Variants in DOCK1 observed in about 807,000 individuals in gnomAD.
The protein encoded by DOCK1 is dedicator of cytokinesis 1.
Under a neutral mutation model 262.7 loss-of-function variants are expected in DOCK1, and 138 were observed. The ratio of observed to expected loss-of-function variants is 0.53; its 90% CI spans 0.46 to 0.61. DOCK1 has a LOEUF of 0.61. Ranked by LOEUF, DOCK1 falls within the 20% of genes least tolerant of loss-of-function variation. The pLI is 0.00. For synonymous variants in DOCK1, 866 were observed against 867.4 expected, an observed-to-expected ratio of 1.00 and a Z score of 0.03; for missense variants, 1,908 against 2,370.7, an observed-to-expected ratio of 0.80 and a Z score of 4.05.
chr10:127,277,461 T>G (rs1319081842), intron 29 of DOCK1, among the ~76,000 whole-genome samples: 1 of 152,104 alleles, frequency 6.6e-6, no homozygotes, highest in African/African-American at 2.4e-5. Flanking sequence ...TTTCATACCT[T>G]TAAAGTTGAA....
intron 27 of DOCK1, among the ~76,000 whole-genome samples, chr10:127,195,518 A>T (rs1026303350): frequency 1.3e-5 from 2 of 148,888 alleles, no homozygotes; most frequent in Non-Finnish European, 3.0e-5. Flanking sequence ...CTCTGTTCCA[A>T]CTCATCCCCC....
At chr10:127,331,966 G>A (rs1590505176) in intron 29 of DOCK1, among the ~76,000 whole-genome samples, 1 of 152,236 alleles carries the variant, frequency 6.6e-6, no homozygotes, top group East Asian at 1.9e-4. Context: ...ATGCCTAGCA[G>A]CAAAGCAGCA....
chr10:127,001,639 A>T (rs1182935026), intron 10 of DOCK1: 1 of 152,324 alleles, frequency 6.6e-6, no homozygotes, highest in Admixed American at 6.5e-5. Context: ...ATTTCAAATC[A>T]TTTAAATAAA....
intron 29 of DOCK1, among the ~76,000 whole-genome samples, chr10:127,262,875 G>A (rs2060224316): frequency 6.6e-6 from 1 of 152,078 alleles, no homozygotes; most frequent in Non-Finnish European, 1.5e-5. Flanking sequence ...GCTGTGTTTA[G>A]GCCCACTTTA....
At chr10:127,439,384 C>T (rs577784070) in intron 49 of DOCK1, 159 bp downstream of exon 49, 239 of 728,138 alleles carry the variant, frequency 3.3e-4, no homozygotes, top group Middle Eastern at 1.4e-3. Flanking sequence ...TCAAATGTCC[C>T]AAGGCAGTAG....
At chr10:127,086,079 A>G (rs1369036149) in intron 23 of DOCK1, among the ~76,000 whole-genome samples, 1 of 152,142 alleles carries the variant, frequency 6.6e-6, no homozygotes, top group African/African-American at 2.4e-5. Flanking sequence ...TTAGAGCCTC[A>G]TCTCTTCAGG....
intron 30 of DOCK1, among the ~76,000 whole-genome samples, chr10:127,339,709 G>GTT (rs2063346965): frequency 3.4e-5 from 1 of 29,640 alleles, no homozygotes; most frequent in African/African-American, 2.1e-4. Context: ...GTGTGTGTGT[G>GTT]TGTGTGTGTG....
intron 2 of DOCK1, among the ~76,000 whole-genome samples, chr10:126,975,353 G>A (rs781029563): frequency 1.4e-4 from 22 of 152,226 alleles, no homozygotes; most frequent in African/African-American, 2.4e-4. Flanking sequence ...TTTGGGCTGC[G>A]TTCCCAGGAG....
intron 27 of DOCK1, among the ~76,000 whole-genome samples, chr10:127,142,168 C>T (rs750495775): frequency 2.6e-5 from 4 of 152,208 alleles, no homozygotes; most frequent in Non-Finnish European, 5.9e-5. Context: ...AGCACCATCA[C>T]GGTCCCAGGC....
At chr10:126,984,706 T>C (rs1167067117) in intron 4 of DOCK1, among the ~76,000 whole-genome samples, 1 of 152,196 alleles carries the variant, frequency 6.6e-6, no homozygotes, top group Non-Finnish European at 1.5e-5. Context: ...AAAAATTGTA[T>C]GTATTTATGG....
intron 1 of DOCK1, among the ~76,000 whole-genome samples, chr10:126,960,796 AC>A: frequency 7.8e-6 from 1 of 128,956 alleles, no homozygotes; most frequent in Non-Finnish European, 1.7e-5. Context: ...GTATATACAC[AC>A]ACACACACAC....
At chr10:126,935,798 C>T (rs958646670) in intron 1 of DOCK1, among the ~76,000 whole-genome samples, 1 of 152,248 alleles carries the variant, frequency 6.6e-6, no homozygotes, top group Non-Finnish European at 1.5e-5. Context: ...CCATCTAACT[C>T]CATGAGGATA....
At chr10:127,137,054 T>C (rs1011036403) in intron 27 of DOCK1, 2 of 152,640 alleles carry the variant, frequency 1.3e-5, no homozygotes, top group African/African-American at 4.8e-5. Flanking sequence ...AGATTAAAAA[T>C]GAGATCTAAG....
Position 127,439,094 on chromosome 10 carries a change from G to T in DOCK1, c.5128G>T (p.Asp1710Tyr). ...GTCCCAGGACAAGCTGGACAAGGAT[G>T]ACCTGGAGAAGGAGAAGAAGGACAA... Reference protein sequence around the residue: ...SRSQDKLDKDDLEKEKKDKKK... With the variant: ...SRSQDKLDKDYLEKEKKDKKK... Residue 1710 changes from aspartate (D) to tyrosine (Y), a missense_variant, in exon 49 of 52, where the codon GAC becomes TAC. Around this residue, in one of 9 missense-constraint regions of DOCK1, gnomAD observed 383 missense variants for 420.1 expected, o/e 0.91. Transcript: ENST00000623213. 1 of 1,568,576 alleles carries T rather than the reference G, an allele frequency of 6.4e-7. No homozygotes were observed. The highest frequency in any genetic ancestry group is 8.6e-7 in the Non-Finnish European group (1 of 1,156,312).
In DOCK1 at chr10:127,413,929, TG is replaced by T. The variant is rs1158053431; in HGVS notation, c.4429-1222del. 2.6e-5 allele frequency among the ~76,000 whole-genome samples: 4 copies of T among 152,078 alleles called. No individual in the cohort carries two copies. The East Asian group carries it at 7.7e-4, about 29-fold the overall frequency. On this transcript the variant is annotated intron_variant, in intron 43 of 51. Coordinates refer to ENST00000623213, the MANE Select transcript of DOCK1 (RefSeq NM_001290223.2). The stretch of plus-strand genomic sequence containing the variant: ...CAGTTTTCTGAAAATTTTTTTTTTT[TG>T]AGAGAGAGTCTTGCTCTGTTGCCTA...
chr10:127,298,644 A>G (rs1420997770), intron 29 of DOCK1, among the ~76,000 whole-genome samples: 1 of 152,266 alleles, frequency 6.6e-6, no homozygotes. Flanking sequence ...TGATGAGCTC[A>G]GAGCTGGGCT....
intron 4 of DOCK1, among the ~76,000 whole-genome samples, chr10:126,983,704 GC>G: frequency 6.6e-6 from 1 of 152,148 alleles, no homozygotes; most frequent in Non-Finnish European, 1.5e-5. Flanking sequence ...ACAGTATCTT[GC>G]TTGCATTGAC....
intron 1 of DOCK1, among the ~76,000 whole-genome samples, chr10:126,949,602 C>G (rs1354808087): frequency 6.6e-6 from 1 of 152,174 alleles, no homozygotes; most frequent in South Asian, 2.1e-4. Flanking sequence ...ATGAGAGCAT[C>G]GGGTGTTGAA....
At chr10:126,969,556 A>G (rs1420744751) in intron 1 of DOCK1, among the ~76,000 whole-genome samples, 2 of 152,188 alleles carry the variant, frequency 1.3e-5, no homozygotes, top group Admixed American at 6.5e-5. Context: ...ATGCAGAACA[A>G]GAGATGGGAA....
Sources: gnomAD v4.1 joint callset for allele counts (sites outside exome capture counted in the v4.1 genomes callset) on GRCh38, gnomAD v4.1.1 for gene constraint, gnomAD v4.1.1 regional missense constraint, MANE v1.5 for transcripts, NCBI Gene and HGNC (gene_info 2026-07-23, HGNC 2026-07-21) for gene names.